The following KMT5B variants were observed in gnomAD, a reference collection of about 807,000 sequenced individuals.
KMT5B encodes histone-lysine N-methyltransferase KMT5B.
KMT5B carries 10 observed loss-of-function variants against 83.2 expected under a neutral mutation model. The ratio of observed to expected loss-of-function variants is 0.12; its 90% confidence interval spans 0.07 to 0.20. The LOEUF (loss-of-function observed/expected upper bound fraction) is 0.20. Ranked by LOEUF, KMT5B falls within the 10% of genes least tolerant of loss-of-function variation. The pLI, the probability that KMT5B is intolerant of heterozygous loss-of-function variation, is 1.00. For synonymous variants in KMT5B, 349 were observed against 388.8 expected (o/e 0.90, Z 1.20); for missense variants, 753 against 1,067.2 (o/e 0.71, Z 4.10).
chr11:68,195,590 T>C (rs181892267), intron 1 of KMT5B, among the ~76,000 whole-genome samples: 381 of 152,318 alleles, frequency 2.5e-3, no homozygotes, highest in Non-Finnish European at 4.1e-3. Flanking sequence ...GATTATGTTA[T>C]TTTCCTCTGA....
chr11:68,182,000 T>C lies in KMT5B; in HGVS notation c.309-1800A>G, dbSNP rs138694349. Reference sequence around the variant, plus strand: ...TACTTCCACAGGTTATTTTAGGAACTGTATAATTAAATGTTGGACTAAAAA... The same window carrying C: ...TACTTCCACAGGTTATTTTAGGAACCGTATAATTAAATGTTGGACTAAAAA... On this transcript the variant is annotated intron_variant, in intron 3 of 10. Coordinates refer to ENST00000304363, the MANE Select transcript of KMT5B (RefSeq NM_017635.5). 4.1e-3 allele frequency among the ~76,000 whole-genome samples: 627 copies of C among 152,354 alleles called. 3 individuals are homozygous for C. The highest frequency in any genetic ancestry group is 0.014 in the African/African-American group (596 of 41,588).
At position 68,175,188 on chromosome 11, in the gene KMT5B, A is replaced by G. The variant is rs946308409; in HGVS notation, c.378-5T>C. Reference sequence around the variant, plus strand: ...CTTCCTTTAATAGGCCTAAATCTGAAAGAAATCAAAAGAATGAATGGGTTA... The same window carrying G: ...CTTCCTTTAATAGGCCTAAATCTGAGAGAAATCAAAAGAATGAATGGGTTA... On this transcript the variant is annotated splice_polypyrimidine_tract_variant and splice_region_variant and intron_variant, in intron 4 of 10. Coordinates refer to ENST00000304363, the MANE Select transcript of KMT5B (RefSeq NM_017635.5). The G allele has an allele frequency of 6.8e-6, 11 of 1,606,394 alleles. No individual in the cohort carries two copies. Among genetic ancestry groups the G allele is most frequent in the Middle Eastern group, 3.3e-4 (2 of 6,054 alleles).
chr11:68,163,929 T>G (rs1855070817), intron 10 of KMT5B, among the ~76,000 whole-genome samples: 1 of 152,162 alleles, frequency 6.6e-6, no homozygotes, highest in Admixed American at 6.5e-5. Flanking sequence ...CTCTGGCCGA[T>G]TCTTCTGGGG....
intron 3 of KMT5B, among the ~76,000 whole-genome samples, chr11:68,182,357 C>T (rs1051017081): frequency 1.3e-5 from 2 of 152,222 alleles, no homozygotes; most frequent in African/African-American, 4.8e-5. Flanking sequence ...CACCCCAAAG[C>T]TACTGAATCA....
At chr11:68,169,437 T>C (rs1329712241) in intron 9 of KMT5B, among the ~76,000 whole-genome samples, 1 of 152,208 alleles carries the variant, frequency 6.6e-6, no homozygotes, top group Non-Finnish European at 1.5e-5. Flanking sequence ...TCTGGGGATA[T>C]AGCGGAAAAT....
rs375495815 is a variant in KMT5B at position 68,173,797 on chromosome 11, T to G, written c.653+7A>C. 6 of 1,500,700 alleles carry G rather than the reference T, an allele frequency of 4.0e-6. No individual in the cohort carries two copies. The South Asian group carries it at 5.9e-5, about 15-fold the overall frequency. The allele number at this position is 1,500,700 out of a possible 1,614,324, so 93.0% of individuals were successfully genotyped here. On this transcript the variant is annotated splice_region_variant and intron_variant, in intron 6 of 10. Transcript: ENST00000304363. ...AAATTAAAGGCTTATACTAGTAGAATAGTTACCACTCTTTTGTTGCAACTA... is the reference window on the plus strand; with the variant it reads ...AAATTAAAGGCTTATACTAGTAGAAGAGTTACCACTCTTTTGTTGCAACTA...
intron 4 of KMT5B, among the ~76,000 whole-genome samples, chr11:68,179,002 G>C (rs890840418): frequency 6.6e-6 from 1 of 152,168 alleles, no homozygotes; most frequent in African/African-American, 2.4e-5. Flanking sequence ...CAATGACTTA[G>C]GGTTAATGAA....
At chr11:68,208,631 G>C (rs533310520) in intron 1 of KMT5B, among the ~76,000 whole-genome samples, 1 of 152,266 alleles carries the variant, frequency 6.6e-6, no homozygotes, top group South Asian at 2.1e-4. Context: ...TGTTAGGAGA[G>C]AGACTAATGT....
intron 1 of KMT5B, among the ~76,000 whole-genome samples, chr11:68,203,704 T>C (rs960337394): frequency 1.3e-5 from 2 of 152,172 alleles, no homozygotes; most frequent in African/African-American, 4.8e-5. Flanking sequence ...CCTATAAACA[T>C]TGTTGTCTCA....
intron 10 of KMT5B, chr11:68,166,143 G>C (rs941660223): frequency 2.1e-5 from 30 of 1,414,312 alleles, no homozygotes; most frequent in Admixed American, 3.0e-5. Flanking sequence ...AGACAAGTGA[G>C]ACTCAAGAGT....
chr11:68,178,585 T>A (rs1856604190), intron 4 of KMT5B, among the ~76,000 whole-genome samples: 1 of 152,196 alleles, frequency 6.6e-6, no homozygotes, highest in Non-Finnish European at 1.5e-5. Flanking sequence ...TTGGCTGCTA[T>A]GGGCATGAAA....
rs1859307842 is a variant in KMT5B, at chr11:68,156,505, A to G, written c.*1183T>C. On this transcript the variant is annotated 3_prime_UTR_variant, in exon 11 of 11. Coordinates refer to ENST00000304363, the MANE Select transcript of KMT5B (RefSeq NM_017635.5). ...TTTCATAATAAACTAACATAAACTA[A>G]CATAAGCCAAGAACTCCCACTGATG... 1 of 152,648 alleles carries G rather than the reference A, an allele frequency of 6.6e-6. No homozygotes were observed. The highest frequency in any genetic ancestry group is 2.4e-5 in the African/African-American group (1 of 41,470). 9.5% of individuals were successfully genotyped at this position (152,648 alleles called of 1,614,324 possible).
chr11:68,179,566 G>C, intron 4 of KMT5B: 1 of 1,304,102 alleles, frequency 7.7e-7, no homozygotes, highest in African/African-American at 1.5e-5. Context: ...GTTGTAGACT[G>C]TATTAGCTGT....
intron 1 of KMT5B, among the ~76,000 whole-genome samples, chr11:68,199,477 T>C (rs1262722328): frequency 6.6e-6 from 1 of 151,328 alleles, no homozygotes; most frequent in Non-Finnish European, 1.5e-5. Flanking sequence ...CTGGGGCAAA[T>C]ATGGAGGAAG....
intron 1 of KMT5B, among the ~76,000 whole-genome samples, chr11:68,192,089 T>C (rs918296556): frequency 2.6e-5 from 4 of 152,222 alleles, no homozygotes; most frequent in Non-Finnish European, 5.9e-5. Flanking sequence ...AGGTGTGTAG[T>C]AGGCTAGACT....
rs918880605 is a variant in KMT5B at position 68,166,160 on chromosome 11, C to T, written c.1174+822G>A. 12 of 1,373,972 alleles carry T rather than the reference C, an allele frequency of 8.7e-6. No homozygotes were observed. The African/African-American group carries it at 1.6e-4, about 18-fold the overall frequency. 85.1% of individuals were successfully genotyped at this position (1,373,972 alleles called of 1,614,324 possible). On this transcript the variant is annotated intron_variant, in intron 10 of 10. Coordinates refer to ENST00000304363, the MANE Select transcript of KMT5B (RefSeq NM_017635.5). ...ACAAGTGAGACTCAAGAGTCTACTG[C>T]TTTAGTGGCAACTACAGAAAACTGG...
rs1370916849 is a variant in KMT5B, at chr11:68,159,854, C to G, written c.1175-683G>C. Among the ~76,000 whole-genome samples, 3 of 152,272 alleles carry G rather than the reference C, an allele frequency of 2.0e-5. No homozygotes were observed. The East Asian group carries it at 5.8e-4, about 29-fold the overall frequency. ...ACTTAGAAGAGCTGCAAAGCTTACT[C>G]AGCCCCATCCCTTCAGTGACGGCCA... On this transcript the variant is annotated intron_variant, in intron 10 of 10. Transcript: ENST00000304363.
intron 4 of KMT5B, among the ~76,000 whole-genome samples, chr11:68,176,060 G>A (rs1215093429): frequency 6.6e-6 from 1 of 151,976 alleles, no homozygotes; most frequent in African/African-American, 2.4e-5. Context: ...GATGACAGGC[G>A]TGCGCCACCA....
chr11:68,166,208 A>T, intron 10 of KMT5B: 1 of 1,299,770 alleles, frequency 7.7e-7, no homozygotes. Flanking sequence ...AAACAGGAGC[A>T]ATTAGAAATG....
Sources: gnomAD v4.1 joint callset for allele counts (sites outside exome capture counted in the v4.1 genomes callset) on GRCh38, gnomAD v4.1.1 for gene constraint, MANE v1.5 for transcripts, NCBI Gene and HGNC (gene_info 2026-07-23, HGNC 2026-07-21) for gene names.